Variants in PIKFYVE observed in about 807,000 individuals in gnomAD.
The protein encoded by PIKFYVE is phosphoinositide kinase, FYVE-type zinc finger containing, also known as 1-phosphatidylinositol 3-phosphate 5-kinase.
Under a neutral mutation model 257.9 loss-of-function variants are expected in PIKFYVE, and 122 were observed. That is an observed-to-expected ratio of 0.47 (90% CI 0.41 to 0.55). PIKFYVE has a LOEUF of 0.55. PIKFYVE is among the 20% of genes least tolerant of loss of function. PIKFYVE has a pLI of 0.00. For missense variants in PIKFYVE, 2,160 were observed against 2,536.6 expected, an observed-to-expected ratio of 0.85 and a Z score of 3.19; for synonymous variants, 892 against 868.9, an observed-to-expected ratio of 1.03 and a Z score of -0.47.
intron 12 of PIKFYVE, among the ~76,000 whole-genome samples, chr2:208,307,589 A>G (rs1197689715): frequency 6.7e-6 from 1 of 149,250 alleles, no homozygotes; most frequent in Non-Finnish European, 1.5e-5. Context: ...TTTTTTTTTT[A>G]AAGATGGGTT....
At chr2:208,301,533 T>C (rs1232255392) in intron 9 of PIKFYVE, among the ~76,000 whole-genome samples, 1 of 152,218 alleles carries the variant, frequency 6.6e-6, no homozygotes, top group African/African-American at 2.4e-5. Context: ...TTCAAATACA[T>C]GTATCCCCTA....
At chr2:208,338,403 TA>T in intron 28 of PIKFYVE, 104 bp from the exon 29 acceptor site, 2 of 945,800 alleles carry the variant, frequency 2.1e-6, no homozygotes, top group Admixed American at 1.9e-5. Flanking sequence ...TTTAACGGTA[TA>T]AATGGGTCCT....
chr2:208,341,180 G>T (rs998167148), intron 31 of PIKFYVE, among the ~76,000 whole-genome samples: 1 of 151,728 alleles, frequency 6.6e-6, no homozygotes. Flanking sequence ...GCTAATTTTC[G>T]TATTTTTAGT....
intron 7 of PIKFYVE, among the ~76,000 whole-genome samples, chr2:208,296,703 G>A (rs754096262): frequency 1.3e-5 from 2 of 152,150 alleles, no homozygotes; most frequent in Non-Finnish European, 2.9e-5. Context: ...AAAAGGAGAC[G>A]GGGAGAGGCC....
At chr2:208,331,030 G>A (rs1486032187) in intron 23 of PIKFYVE, among the ~76,000 whole-genome samples, 1 of 151,856 alleles carries the variant, frequency 6.6e-6, no homozygotes, top group African/African-American at 2.4e-5. Context: ...TAGGCCCTAG[G>A]AATGAAAAAA....
At chr2:208,352,318 C>G (rs1361423301) in intron 38 of PIKFYVE, among the ~76,000 whole-genome samples, 1 of 151,886 alleles carries the variant, frequency 6.6e-6, no homozygotes, top group African/African-American at 2.4e-5. Context: ...CAACTGCCAT[C>G]TTAGAATCAT....
At chr2:208,348,863 A>T (rs1159228547) in intron 35 of PIKFYVE, among the ~76,000 whole-genome samples, 1 of 151,558 alleles carries the variant, frequency 6.6e-6, no homozygotes, top group African/African-American at 2.4e-5. Flanking sequence ...TTAGTCCGTG[A>T]ATTAGTAGTT....
At chr2:208,331,573 CA>C (rs768192198) in intron 23 of PIKFYVE, among the ~76,000 whole-genome samples, 6 of 152,184 alleles carry the variant, frequency 3.9e-5, no homozygotes, top group Non-Finnish European at 8.8e-5. Flanking sequence ...GACAAGGTTT[CA>C]CTACGTTAGC....
intron 3 of PIKFYVE, among the ~76,000 whole-genome samples, chr2:208,276,321 A>C (rs927917146): frequency 6.6e-6 from 1 of 152,224 alleles, no homozygotes; most frequent in Admixed American, 6.5e-5. Flanking sequence ...AGACCAAGCT[A>C]AGTTAACCCT....
At chr2:208,294,977 A>G (rs1420157951) in intron 7 of PIKFYVE, among the ~76,000 whole-genome samples, 1 of 152,196 alleles carries the variant, frequency 6.6e-6, no homozygotes, top group Non-Finnish European at 1.5e-5. Context: ...TACCCCCATG[A>G]CTGGGTTCAC....
At chr2:208,301,772 T>C (rs1693714690) in intron 9 of PIKFYVE, among the ~76,000 whole-genome samples, 1 of 152,184 alleles carries the variant, frequency 6.6e-6, no homozygotes, top group Non-Finnish European at 1.5e-5. Flanking sequence ...GAAATAATAG[T>C]GGCTGAAGTG....
chr2:208,304,119 A>T lies in PIKFYVE; in HGVS notation c.1321-52A>T. 6 of 1,574,712 alleles carry T rather than the reference A, an allele frequency of 3.8e-6. No individual in the cohort carries two copies. The South Asian group carries it at 6.6e-5, about 17-fold the overall frequency. On this transcript the variant is annotated intron_variant, in intron 10 of 41. Transcript: ENST00000264380. Reference sequence around the variant, plus strand: ...ATTTATTTATAGTGTGACAGCCTCAACATTGTTGCCATTGAAGGCCAATTG... The same window carrying T: ...ATTTATTTATAGTGTGACAGCCTCATCATTGTTGCCATTGAAGGCCAATTG...
Position 208,356,203 on chromosome 2 carries a change from TTGAG to T in PIKFYVE, c.*903_*906del, listed in dbSNP as rs1442615512. 6.6e-6 allele frequency: 1 copy of T among 152,142 alleles called. No individual in the cohort carries two copies. The highest frequency in any genetic ancestry group is 1.5e-5 in the Non-Finnish European group (1 of 68,028). The allele number at this position is 152,142 out of a possible 1,614,324, so 9.4% of individuals were successfully genotyped here. On this transcript the variant is annotated 3_prime_UTR_variant, in exon 42 of 42. Coordinates refer to ENST00000264380, the MANE Select transcript of PIKFYVE (RefSeq NM_015040.4). Reference sequence around the variant, plus strand: ...AATAAATTAGGCCCAATCCAAGAAATTGAGTGAGAAGGAAACACTTGTTTTATTC... The same window carrying T: ...AATAAATTAGGCCCAATCCAAGAAATTGAGAAGGAAACACTTGTTTTATTC...
At chr2:208,330,454 T>C (rs1487581801) in intron 22 of PIKFYVE, 69 bp from the exon 23 acceptor site, 10 of 1,582,200 alleles carry the variant, frequency 6.3e-6, no homozygotes, top group Admixed American at 1.7e-5. Context: ...CTAGTCATGC[T>C]GCACTTTGAC....
At chr2:208,347,567 T>C (rs1403115070) in intron 34 of PIKFYVE, among the ~76,000 whole-genome samples, 1 of 152,216 alleles carries the variant, frequency 6.6e-6, no homozygotes, top group Non-Finnish European at 1.5e-5. Flanking sequence ...AAAGGCTTTC[T>C]AGATAATTCC....
chr2:208,280,952 T>C (rs1179142607), intron 5 of PIKFYVE, among the ~76,000 whole-genome samples: 1 of 150,090 alleles, frequency 6.7e-6, no homozygotes, highest in African/African-American at 2.4e-5. Context: ...GTGCTGCCTA[T>C]TGGCCCCTGC....
intron 7 of PIKFYVE, among the ~76,000 whole-genome samples, chr2:208,291,890 A>T (rs887691584): frequency 1.3e-5 from 2 of 152,044 alleles, no homozygotes; most frequent in Non-Finnish European, 2.9e-5. Context: ...GGAAGCTTAG[A>T]TGATTGATTT....
rs1011874160 is a variant in PIKFYVE at position 208,358,084 on chromosome 2, T to G, written c.*2779T>G. 2.0e-5 allele frequency: 3 copies of G among 152,208 alleles called. No homozygotes were observed. Among genetic ancestry groups the G allele is most frequent in the Non-Finnish European group, 4.4e-5 (3 of 68,036 alleles). The allele number at this position is 152,208 out of a possible 1,614,324, so 9.4% of individuals were successfully genotyped here. ...TCAAAATTTCCTACAAACTATAATT[T>G]TTTCCATGATTTAGCAGTGAGTGAT... is the stretch of plus-strand genomic sequence containing the variant. On this transcript the variant is annotated 3_prime_UTR_variant, in exon 42 of 42. Transcript: ENST00000264380.
chr2:208,298,567 T>A, intron 7 of PIKFYVE, 74 bp from the exon 8 acceptor site: 2 of 1,540,496 alleles, frequency 1.3e-6, no homozygotes, highest in Non-Finnish European at 1.8e-6. Context: ...TATTTAAAAA[T>A]GAATTTTCTC....
Sources: allele counts gnomAD v4.1 joint callset (sites outside exome capture counted in the v4.1 genomes callset), GRCh38; gene constraint gnomAD v4.1.1; transcripts MANE v1.5; gene names NCBI Gene and HGNC (gene_info 2026-07-23, HGNC 2026-07-21).